IGFBP2: variants seen among roughly 807,000 people sequenced by gnomAD.
IGFBP2 encodes insulin-like growth factor-binding protein 2.
In IGFBP2, 12 loss-of-function variants were observed where a neutral mutation model predicts 26.2. The ratio of observed to expected loss-of-function variants is 0.46; its 90% CI spans 0.29 to 0.74. The LOEUF is 0.74. Ranked by LOEUF, IGFBP2 falls within the 30% of genes least tolerant of loss-of-function variation. The pLI, the probability that IGFBP2 is intolerant of heterozygous loss-of-function variation, is 0.09. For synonymous variants in IGFBP2, 189 were observed against 200.6 expected (o/e 0.94, Z 0.49); for missense variants, 328 against 441.2 (o/e 0.74, Z 2.30).
Position 216,664,277 on chromosome 2 carries a change from C to G in IGFBP2, c.*173C>G. The G allele has an allele frequency of 2.0e-6, 1 of 490,956 alleles. No homozygotes were observed. The highest frequency in any genetic ancestry group is 3.5e-6 in the Non-Finnish European group (1 of 285,292). 30.4% of individuals were successfully genotyped at this position (490,956 alleles called of 1,614,324 possible). ...CGGCACCTCCCCGGCCTCTCTCTTC[C>G]CAGCTGCAGATGCCACACCTGCTCC... On this transcript the variant is annotated 3_prime_UTR_variant, in exon 4 of 4. Coordinates refer to ENST00000233809, the MANE Select transcript of IGFBP2 (RefSeq NM_000597.3). The surrounding 1 kb of genome is among the most constrained non-coding windows in gnomAD (Gnocchi z 4.6).
chr2:216,643,903 A>G (rs1469551318), intron 1 of IGFBP2, among the ~76,000 whole-genome samples: 1 of 152,004 alleles, frequency 6.6e-6, no homozygotes, highest in Admixed American at 6.6e-5. Context: ...CACCCTCCAC[A>G]CTCACAAAGA....
intron 1 of IGFBP2, among the ~76,000 whole-genome samples, chr2:216,659,260 C>T (rs1006493995): frequency 2.6e-5 from 4 of 152,192 alleles, no homozygotes; most frequent in African/African-American, 4.8e-5. Flanking sequence ...GGTGCCCCCT[C>T]CCTTAGTTGG....
intron 1 of IGFBP2, among the ~76,000 whole-genome samples, chr2:216,636,428 G>A (rs1311050553): frequency 6.6e-6 from 1 of 151,940 alleles, no homozygotes. Flanking sequence ...TGTTGCTGCT[G>A]GCTTCCTGGG....
At chr2:216,658,677 G>C (rs1010631100) in intron 1 of IGFBP2, among the ~76,000 whole-genome samples, 4 of 152,096 alleles carry the variant, frequency 2.6e-5, no homozygotes, top group Non-Finnish European at 4.4e-5. Context: ...ACCCTTCTGA[G>C]TAGCTGGGAT....
chr2:216,659,687 A>C (rs556191218), intron 1 of IGFBP2: 68 of 1,529,718 alleles, frequency 4.4e-5, no homozygotes, highest in Non-Finnish European at 5.8e-5. Flanking sequence ...GGTTGAAGAA[A>C]GTATAAGGAG....
intron 1 of IGFBP2, among the ~76,000 whole-genome samples, chr2:216,641,695 T>G (rs975017649): frequency 2.6e-5 from 4 of 151,580 alleles, no homozygotes; most frequent in Non-Finnish European, 5.9e-5. Context: ...TGCATTTTTT[T>G]TTTTTTTTTT....
At position 216,633,583 on chromosome 2, in the gene IGFBP2, G is replaced by A. The variant is rs1251685740; in HGVS notation, c.60G>A (p.Leu20=). 1 of 1,018,120 alleles carries A rather than the reference G, an allele frequency of 9.8e-7. No homozygotes were observed. The allele number at this position is 1,018,120 out of a possible 1,614,324, so 63.1% of individuals were successfully genotyped here. The change falls in exon 1 of 4, where the codon CTG becomes CTA. Residue 20 remains leucine (L), a synonymous_variant. Transcript: ENST00000233809. ...LPLPPPPLLP[L]LLLLLGASGG... is the part of the protein sequence containing the mutation. ...TGCCGCCGCCGCCGCTGCTGCCGCTGCTGCTGCTGCTACTGGGCGCGAGTG... is the reference window on the plus strand; with the variant it reads ...TGCCGCCGCCGCCGCTGCTGCCGCTACTGCTGCTGCTACTGGGCGCGAGTG...
At chr2:216,652,028 C>T (rs1286115232) in intron 1 of IGFBP2, among the ~76,000 whole-genome samples, 1 of 152,038 alleles carries the variant, frequency 6.6e-6, no homozygotes, top group African/African-American at 2.4e-5. Context: ...TCCCAAAGTG[C>T]TGGGATTACA....
In IGFBP2 at chr2:216,659,503, G is replaced by T. The variant is rs996353022; in HGVS notation, c.443-1054G>T. 7.0e-6 allele frequency: 4 copies of T among 575,288 alleles called. No individual in the cohort carries two copies. In the East Asian group the frequency reaches 8.9e-5, roughly 13 times the overall value. The allele number at this position is 575,288 out of a possible 1,614,324, so 35.6% of individuals were successfully genotyped here. On this transcript the variant is annotated intron_variant, in intron 1 of 3. Transcript: ENST00000233809. Reference sequence around the variant, plus strand: ...CAAGGGGTTGGGGCTGGGGCTCGGCGGTGTGAGGCCCTGCCCTTCTGGAGC... The same window carrying T: ...CAAGGGGTTGGGGCTGGGGCTCGGCTGTGTGAGGCCCTGCCCTTCTGGAGC...
intron 1 of IGFBP2, among the ~76,000 whole-genome samples, chr2:216,639,761 G>GC (rs1559174789): frequency 1.3e-5 from 2 of 152,096 alleles, no homozygotes; most frequent in Admixed American, 1.3e-4. Context: ...TCCTGCCTCA[G>GC]CCCCCCAAGT....
At chr2:216,637,315 C>T (rs1240086297) in intron 1 of IGFBP2, among the ~76,000 whole-genome samples, 1 of 152,176 alleles carries the variant, frequency 6.6e-6, no homozygotes, top group African/African-American at 2.4e-5. Flanking sequence ...GTCTAGGAGA[C>T]CAAGCAGGGT....
chr2:216,637,114 C>G (rs1485335497), intron 1 of IGFBP2, among the ~76,000 whole-genome samples: 7 of 152,162 alleles, frequency 4.6e-5, no homozygotes, highest in Non-Finnish European at 8.8e-5. Context: ...CATAAATTTG[C>G]ATACTGAGTT....
intron 3 of IGFBP2, chr2:216,662,984 T>C (rs1490806882): frequency 2.0e-5 from 3 of 152,178 alleles, no homozygotes; most frequent in South Asian, 2.1e-4. Context: ...TGGCTGGGCA[T>C]TGGGATTTTT....
chr2:216,659,854 T>A (rs1448976307), intron 1 of IGFBP2: 3 of 903,350 alleles, frequency 3.3e-6, no homozygotes, highest in Non-Finnish European at 5.3e-6. Flanking sequence ...CGAGGGAATG[T>A]CAGTGTGGCA....
At chr2:216,650,639 G>A (rs139895254) in intron 1 of IGFBP2, among the ~76,000 whole-genome samples, 148 of 152,318 alleles carry the variant, frequency 9.7e-4, no homozygotes, top group African/African-American at 3.4e-3. Flanking sequence ...CTGGGTGATT[G>A]GCCTGTGGTA....
Position 216,664,085 on chromosome 2 carries a change from A to C in IGFBP2, c.959A>C (p.His320Pro). ...GAGCAGCAGGAGGCTCGCGGGGTGC[A>C]CACCCAGCGGATGCAGTAGACCGCA... is the stretch of plus-strand genomic sequence containing the variant. ...YNEQQEARGVHTQRMQ is the reference protein window; with the variant it reads ...YNEQQEARGVPTQRMQ The change falls in exon 4 of 4, where the codon CAC (histidine) becomes CCC (proline). Residue 320 changes from histidine (H) to proline (P), a missense_variant. Physicochemically the swap from His to Pro is moderately conservative, Grantham distance 77 (BLOSUM62 -2). Coordinates refer to ENST00000233809, the MANE Select transcript of IGFBP2 (RefSeq NM_000597.3). The surrounding 1 kb of genome is among the most constrained non-coding windows in gnomAD (Gnocchi z 4.6). The C allele has an allele frequency of 6.2e-7, 1 of 1,610,280 alleles. No homozygotes were observed. The highest frequency in any genetic ancestry group is 8.5e-7 in the Non-Finnish European group (1 of 1,178,634).
intron 1 of IGFBP2, among the ~76,000 whole-genome samples, chr2:216,646,355 C>T (rs1199169537): frequency 6.6e-6 from 1 of 152,172 alleles, no homozygotes; most frequent in Non-Finnish European, 1.5e-5. Context: ...GGCATGTGTC[C>T]TTCCCATCCC....
At chr2:216,635,966 C>T (rs1486630051) in intron 1 of IGFBP2, among the ~76,000 whole-genome samples, 1 of 151,546 alleles carries the variant, frequency 6.6e-6, no homozygotes, top group Non-Finnish European at 1.5e-5. Flanking sequence ...GGGGGTGGGG[C>T]TGGAAGCTGA....
chr2:216,636,811 T>A lies in IGFBP2; in HGVS notation c.442+2846T>A, dbSNP rs572051219. Among the ~76,000 whole-genome samples the A allele has an allele frequency of 2.8e-3, 430 of 152,230 alleles. 3 individuals carry two copies. Among genetic ancestry groups the A allele is most frequent in the African/African-American group, 9.9e-3 (412 of 41,540 alleles). ...TCCCTACCGTGTACAATGCAGGGGA[T>A]TATGCTGAGGGGCGGGGCCGCCCGA... On this transcript the variant is annotated intron_variant, in intron 1 of 3. Transcript: ENST00000233809.
Sources: gnomAD v4.1 joint callset for allele counts (sites outside exome capture counted in the v4.1 genomes callset) on GRCh38, gnomAD v4.1.1 for gene constraint, Gnocchi (gnomAD v3.1) non-coding constraint, MANE v1.5 for transcripts, NCBI Gene and HGNC (gene_info 2026-07-23, HGNC 2026-07-21) for gene names.